Variants in PSKH1 observed in about 807,000 individuals in gnomAD.
The protein encoded by PSKH1 is protein serine kinase H1.
PSKH1 carries 12 observed loss-of-function variants against 26.7 expected under a neutral mutation model. That is an observed-to-expected ratio of 0.45 (90% CI 0.29 to 0.73). The LOEUF is 0.73. Among genes scored for constraint, PSKH1 ranks in the 30% least tolerant of loss-of-function variants. PSKH1 has a pLI of 0.11. For missense variants in PSKH1, 431 were observed against 595.2 expected (o/e 0.72, Z 2.87); for synonymous variants, 213 against 234.3 (o/e 0.91, Z 0.83).
At chr16:67,895,102 T>C (rs1388160040) in intron 1 of PSKH1, among the ~76,000 whole-genome samples, 1 of 151,986 alleles carries the variant, frequency 6.6e-6, no homozygotes, top group Non-Finnish European at 1.5e-5. Context: ...TTTGTATTTT[T>C]AGTAGAGATG....
At chr16:67,901,550 C>T (rs1219481187) in intron 1 of PSKH1, among the ~76,000 whole-genome samples, 2 of 151,504 alleles carry the variant, frequency 1.3e-5, no homozygotes, top group Admixed American at 6.6e-5. Context: ...CCCAGGCTGG[C>T]TCAAACTCCT....
intron 1 of PSKH1, among the ~76,000 whole-genome samples, chr16:67,894,474 TCA>T (rs2058120570): frequency 6.6e-6 from 1 of 152,222 alleles, no homozygotes; most frequent in Non-Finnish European, 1.5e-5. Flanking sequence ...CGCAGTTTTC[TCA>T]GTTTGCTATA....
intron 2 of PSKH1, among the ~76,000 whole-genome samples, chr16:67,915,059 G>A (rs2058183357): frequency 6.6e-6 from 1 of 152,144 alleles, no homozygotes; most frequent in South Asian, 2.1e-4. Flanking sequence ...ATGACGAATG[G>A]GGTGGGGAGT....
chr16:67,895,063 A>G (rs1200462703), intron 1 of PSKH1, among the ~76,000 whole-genome samples: 4 of 151,202 alleles, frequency 2.6e-5, no homozygotes, highest in African/African-American at 9.7e-5. Context: ...AGCTGGGGTT[A>G]CAGGCAAGCA....
chr16:67,922,959 T>C (rs1354557521), intron 2 of PSKH1, among the ~76,000 whole-genome samples: 5 of 152,248 alleles, frequency 3.3e-5, no homozygotes, highest in Admixed American at 2.6e-4. Context: ...CTGTTCTTTG[T>C]TTCATTAGCC....
chr16:67,896,430 C>T (rs567999599), intron 1 of PSKH1, among the ~76,000 whole-genome samples: 21 of 151,600 alleles, frequency 1.4e-4, no homozygotes, highest in Admixed American at 8.6e-4. Context: ...TCTTAATAAG[C>T]GTGTTTGTTC....
chr16:67,926,291 G>C (rs2058216143), intron 2 of PSKH1, among the ~76,000 whole-genome samples: 1 of 152,220 alleles, frequency 6.6e-6, no homozygotes, highest in South Asian at 2.1e-4. Context: ...CACCCATCCG[G>C]CAGCACCGTG....
chr16:67,905,998 CT>C (rs980739521), intron 1 of PSKH1, among the ~76,000 whole-genome samples: 1 of 152,000 alleles, frequency 6.6e-6, no homozygotes, highest in African/African-American at 2.4e-5. Context: ...TCCTGTGCCC[CT>C]GGTATCTACT....
chr16:67,923,656 ACT>A (rs1249659060), intron 2 of PSKH1, among the ~76,000 whole-genome samples: 1 of 152,230 alleles, frequency 6.6e-6, no homozygotes. Context: ...AGCCTCAGAG[ACT>A]GCCCAGGTGG....
At chr16:67,900,150 A>G (rs1405022459) in intron 1 of PSKH1, among the ~76,000 whole-genome samples, 2 of 151,376 alleles carry the variant, frequency 1.3e-5, no homozygotes, top group Non-Finnish European at 2.9e-5. Context: ...TTTAGTAGAG[A>G]TGGGTTTCAC....
Position 67,925,609 on chromosome 16 carries a change from G to A in PSKH1, c.958-1716G>A, listed in dbSNP as rs190402328. On this transcript the variant is annotated intron_variant, in intron 2 of 2. Coordinates refer to ENST00000291041, the MANE Select transcript of PSKH1 (RefSeq NM_006742.3). ...GATAGTAAGGCATCTATGGGCCTTC[G>A]TTGGCTGCATGCTCCTGGACCCTGA... Among the ~76,000 whole-genome samples, 42 of 152,192 alleles carry A rather than the reference G, an allele frequency of 2.8e-4. 1 individual carries two copies. In the East Asian group the frequency reaches 4.1e-3, roughly 15 times the overall value.
At chr16:67,918,349 C>T (rs1274008272) in intron 2 of PSKH1, among the ~76,000 whole-genome samples, 2 of 151,988 alleles carry the variant, frequency 1.3e-5, no homozygotes, top group Non-Finnish European at 2.9e-5. Context: ...GCCCAGGTGA[C>T]TGTACTAGGA....
intron 1 of PSKH1, among the ~76,000 whole-genome samples, chr16:67,903,308 T>C (rs1317349195): frequency 1.3e-5 from 2 of 152,004 alleles, no homozygotes; most frequent in East Asian, 3.8e-4. Flanking sequence ...TGCCACCATG[T>C]CTGACTCAAT....
At chr16:67,894,835 G>A (rs529437463) in intron 1 of PSKH1, among the ~76,000 whole-genome samples, 98 of 152,014 alleles carry the variant, frequency 6.4e-4, no homozygotes, top group African/African-American at 2.3e-3. Context: ...TGTGTGGTAG[G>A]TAGTACAGCC....
intron 1 of PSKH1, among the ~76,000 whole-genome samples, chr16:67,900,721 G>A (rs938985391): frequency 2.6e-5 from 4 of 152,164 alleles, no homozygotes; most frequent in African/African-American, 9.7e-5. Flanking sequence ...GCCACACTCT[G>A]TCCAATGTGC....
intron 2 of PSKH1, among the ~76,000 whole-genome samples, chr16:67,926,862 G>A (rs572010352): frequency 3.3e-5 from 5 of 152,252 alleles, no homozygotes; most frequent in Admixed American, 2.6e-4. Flanking sequence ...CACTGCTTCG[G>A]CAGTTGGAGA....
intron 2 of PSKH1, among the ~76,000 whole-genome samples, chr16:67,926,765 T>A (rs1370832731): frequency 1.3e-5 from 2 of 151,608 alleles, no homozygotes; most frequent in Admixed American, 1.3e-4. Context: ...TCGCCTGCCC[T>A]CAGCCGACTG....
chr16:67,922,921 G>C (rs1412226964), intron 2 of PSKH1, among the ~76,000 whole-genome samples: 1 of 152,230 alleles, frequency 6.6e-6, no homozygotes, highest in Non-Finnish European at 1.5e-5. Flanking sequence ...TTCCTCCTCT[G>C]TCTGCAGCCT....
chr16:67,905,814 G>T (rs771037631), intron 1 of PSKH1, among the ~76,000 whole-genome samples: 1 of 152,096 alleles, frequency 6.6e-6, no homozygotes, highest in African/African-American at 2.4e-5. Flanking sequence ...AGCTGAGGTC[G>T]TGCCAGTGCA....
Sources: gnomAD v4.1 joint callset for allele counts (sites outside exome capture counted in the v4.1 genomes callset) on GRCh38, gnomAD v4.1.1 for gene constraint, MANE v1.5 for transcripts, NCBI Gene and HGNC (gene_info 2026-07-23, HGNC 2026-07-21) for gene names.